CPM: variants seen among roughly 807,000 people sequenced by gnomAD.
The protein encoded by CPM is carboxypeptidase M.
In CPM, 35 loss-of-function variants were observed where a neutral mutation model predicts 46.4. That is an observed-to-expected ratio of 0.75 (90% CI 0.58 to 1.00). The LOEUF (loss-of-function observed/expected upper bound fraction) is 1.00, where lower values mean the gene tolerates loss of function less well. Among genes scored for constraint, CPM ranks in the 50% least tolerant of loss-of-function variants. CPM has a pLI of 0.00. For missense variants in CPM, 422 were observed against 530.4 expected (o/e 0.80, Z 2.01); for synonymous variants, 195 against 195.3 (o/e 1.00, Z 0.01).
chr12:68,881,156 A>C (rs1886172397), intron 3 of CPM, among the ~76,000 whole-genome samples: 2 of 152,216 alleles, frequency 1.3e-5, no homozygotes, highest in African/African-American at 2.4e-5. Context: ...GCATCAATCA[A>C]ATGAACCTAT....
intron 7 of CPM, among the ~76,000 whole-genome samples, chr12:68,860,460 A>G (rs944546498): frequency 1.6e-4 from 25 of 151,988 alleles, no homozygotes; most frequent in Admixed American, 1.3e-3. Flanking sequence ...TTATTTAATT[A>G]ATTAATTAAC....
intron 5 of CPM, chr12:68,845,950 C>T (rs1884263189): frequency 6.6e-6 from 1 of 150,942 alleles, no homozygotes; most frequent in African/African-American, 2.4e-5. Context: ...CCACCTCCCC[C>T]GACCCCGCTG....
chr12:68,915,076 T>C (rs12305934), intron 2 of CPM, among the ~76,000 whole-genome samples: 11 of 152,156 alleles, frequency 7.2e-5, no homozygotes, highest in African/African-American at 2.4e-4. Context: ...TTTTTTTAGA[T>C]AGCTTCCCAA....
intron 3 of CPM, among the ~76,000 whole-genome samples, chr12:68,874,189 G>A (rs1417305170): frequency 1.3e-5 from 2 of 152,118 alleles, no homozygotes; most frequent in Non-Finnish European, 2.9e-5. Context: ...ACACCCCACT[G>A]GGTTCCAATT....
At chr12:68,866,815 G>A (rs1019955555) in intron 7 of CPM, 81 bp downstream of exon 7, 1 of 1,175,078 alleles carries the variant, frequency 8.5e-7, no homozygotes, top group Non-Finnish European at 1.2e-6. Flanking sequence ...ATAAATAAAG[G>A]CTTGCGTTTA....
At chr12:68,931,934 CT>C (rs1888528150) in intron 2 of CPM, among the ~76,000 whole-genome samples, 2 of 152,072 alleles carry the variant, frequency 1.3e-5, no homozygotes, top group South Asian at 4.1e-4. Context: ...ATGAAAATAA[CT>C]TTATGTAGTT....
chr12:68,922,849 T>C (rs1888092617), intron 2 of CPM, among the ~76,000 whole-genome samples: 1 of 152,212 alleles, frequency 6.6e-6, no homozygotes, highest in South Asian at 2.1e-4. Flanking sequence ...TACTATACAG[T>C]ATTACATTTA....
intron 2 of CPM, among the ~76,000 whole-genome samples, chr12:68,900,404 T>A: frequency 6.6e-6 from 1 of 152,168 alleles, no homozygotes; most frequent in Middle Eastern, 3.2e-3. Context: ...GGCGAGGATG[T>A]GGAGCAACAG....
intron 2 of CPM, among the ~76,000 whole-genome samples, chr12:68,897,274 T>G (rs995047090): frequency 2.0e-5 from 3 of 151,772 alleles, no homozygotes; most frequent in Non-Finnish European, 2.9e-5. Context: ...CCTTTAGGTT[T>G]TTTTTTTTTT....
At chr12:68,896,003 C>A (rs2136271392) in intron 2 of CPM, among the ~76,000 whole-genome samples, 1 of 152,312 alleles carries the variant, frequency 6.6e-6, no homozygotes, top group East Asian at 1.9e-4. Flanking sequence ...GGCACCTGAT[C>A]CCCTCAGCAT....
At chr12:68,844,696 A>T (rs1229900715) in intron 5 of CPM, 2 of 221,746 alleles carry the variant, frequency 9.0e-6, no homozygotes, top group Non-Finnish European at 1.8e-5. Context: ...GTGGGCCCCT[A>T]AGCCAGACGG....
chr12:68,843,698 ACT>A (rs112584632), intron 5 of CPM: 89,955 of 208,216 alleles, frequency 0.43, 17,158 homozygotes, highest in Non-Finnish European at 0.48. Context: ...TTGCTTCAAA[ACT>A]CTCTCTCTCT....
At chr12:68,948,178 C>T (rs1053562084) in intron 1 of CPM, among the ~76,000 whole-genome samples, 15 of 152,278 alleles carry the variant, frequency 9.9e-5, no homozygotes, top group Admixed American at 7.8e-4. Flanking sequence ...TCTGTTCCCT[C>T]GAGCACCCTG....
chr12:68,959,873 G>A (rs1565812205), intron 1 of CPM, among the ~76,000 whole-genome samples: 2 of 152,170 alleles, frequency 1.3e-5, no homozygotes, highest in African/African-American at 4.8e-5. Context: ...ATCCCCAGGC[G>A]TCTCTCCCAA....
At chr12:68,869,520 C>A in intron 5 of CPM, 25 bp from the exon 6 acceptor site, 1 of 1,578,524 alleles carries the variant, frequency 6.3e-7, no homozygotes, top group Non-Finnish European at 8.6e-7. Context: ...TGAACCAAGA[C>A]CTTTAAACTG....
At chr12:68,867,483 TG>T (rs1885504986) in intron 6 of CPM, among the ~76,000 whole-genome samples, 1 of 152,224 alleles carries the variant, frequency 6.6e-6, no homozygotes, top group South Asian at 2.1e-4. Flanking sequence ...CATGCTAATT[TG>T]GGGGAATCAT....
intron 2 of CPM, among the ~76,000 whole-genome samples, chr12:68,917,808 T>C (rs989452492): frequency 6.6e-6 from 1 of 152,210 alleles, no homozygotes; most frequent in Non-Finnish European, 1.5e-5. Flanking sequence ...ACCAGCTCCC[T>C]TGACCAGCTC....
intron 2 of CPM, among the ~76,000 whole-genome samples, chr12:68,889,969 CT>C (rs2136259780): frequency 6.6e-6 from 1 of 152,288 alleles, no homozygotes; most frequent in South Asian, 2.1e-4. Flanking sequence ...TTACAAGAGA[CT>C]ATAAAACCTC....
chr12:68,870,258 A>T lies in CPM; in HGVS notation c.573T>A (p.Gly191=), dbSNP rs1329684645. The change falls in exon 5 of 9, where the codon GGT becomes GGA. Residue 191 remains glycine (G), a synonymous_variant. Transcript: ENST00000551568. The part of the protein sequence containing the change: ...ETFVLSANLH[G]GALVASYPFD... ...ATGGGTAACTGGCCACGAGGGCACC[A>T]CCATGGAGGTTTGCAGAGAGGACAA... 2.5e-6 allele frequency: 4 copies of T among 1,614,156 alleles called. No individual in the cohort carries two copies. The Admixed American group carries it at 6.7e-5, about 27-fold the overall frequency.
Sources: gnomAD v4.1 joint callset for allele counts (sites outside exome capture counted in the v4.1 genomes callset) on GRCh38, gnomAD v4.1.1 for gene constraint, MANE v1.5 for transcripts, NCBI Gene and HGNC (gene_info 2026-07-23, HGNC 2026-07-21) for gene names.